PIK3R3: variants seen among roughly 807,000 people sequenced by gnomAD.
PIK3R3 encodes phosphoinositide-3-kinase regulatory subunit 3.
A neutral mutation model predicts 62.9 loss-of-function variants in PIK3R3; 64 were observed. The ratio of observed to expected loss-of-function variants is 1.02; its 90% confidence interval spans 0.83 to 1.25. PIK3R3 has a LOEUF of 1.25. Among genes scored for constraint, PIK3R3 ranks in the 50% most tolerant of loss-of-function variants. The probability of loss-of-function intolerance (pLI) is 0.00; values close to 1 mark genes in which losing one functional copy is unlikely to be tolerated. For missense variants in PIK3R3, 614 were observed against 561.6 expected (o/e 1.09, Z -0.94); for synonymous variants, 165 against 189.0 (o/e 0.87, Z 1.04).
the PIK3R3 span, among the ~76,000 whole-genome samples, chr1:46,148,158 T>C: frequency 6.6e-6 from 1 of 152,208 alleles, no homozygotes; most frequent in Non-Finnish European, 1.5e-5. Flanking sequence ...TTCACTGAGA[T>C]CAAGCAAATT....
the PIK3R3 span, among the ~76,000 whole-genome samples, chr1:46,164,806 T>C: frequency 3.9e-5 from 6 of 151,994 alleles, no homozygotes; most frequent in African/African-American, 1.5e-4. Context: ...ATTCCCTCTG[T>C]CATTAACATC....
At chr1:46,054,874 T>C (rs1647722841) in intron 7 of PIK3R3, among the ~76,000 whole-genome samples, 1 of 152,194 alleles carries the variant, frequency 6.6e-6, no homozygotes, top group Non-Finnish European at 1.5e-5. Flanking sequence ...CTTCTATAGA[T>C]ACATTTCTGT....
At chr1:46,091,174 T>C (rs1360370952) in intron 1 of PIK3R3, among the ~76,000 whole-genome samples, 1 of 145,128 alleles carries the variant, frequency 6.9e-6, no homozygotes, top group East Asian at 2.1e-4. Flanking sequence ...AGAGTCTCAC[T>C]CTGTTACCCA....
At chr1:46,147,700 C>T in the PIK3R3 span, among the ~76,000 whole-genome samples, 3 of 152,188 alleles carry the variant, frequency 2.0e-5, no homozygotes, top group African/African-American at 7.2e-5. Flanking sequence ...GCTGAGATTA[C>T]AGGCGTGAGC....
At chr1:46,077,938 G>A (rs1340050302) in intron 2 of PIK3R3, among the ~76,000 whole-genome samples, 1 of 152,058 alleles carries the variant, frequency 6.6e-6, no homozygotes, top group Non-Finnish European at 1.5e-5. Flanking sequence ...AAAGTTTCAG[G>A]AAAAAAACAG....
Position 46,055,983 on chromosome 1 carries a change from T to C in PIK3R3, c.765-12A>G. ...AATTCATCATAATTCTGTAAAAATA[T>C]TTGACATGTTAAGGCTAAAATAGAA... On this transcript the variant is annotated splice_polypyrimidine_tract_variant and intron_variant, in intron 6 of 9. Transcript: ENST00000262741. The C allele has an allele frequency of 6.4e-7, 1 of 1,561,144 alleles. No homozygotes were observed. The highest frequency in any genetic ancestry group is 1.8e-5 in the Admixed American group (1 of 54,136).
chr1:46,143,700 A>G, the PIK3R3 span, among the ~76,000 whole-genome samples: 1 of 152,032 alleles, frequency 6.6e-6, no homozygotes, highest in African/African-American at 2.4e-5. Flanking sequence ...CCAGGCCAGT[A>G]TCAAATTTCT....
rs555283418 is a variant in PIK3R3 at position 46,125,649 on chromosome 1, G to A, written c.106+6198C>T. Among the ~76,000 whole-genome samples, 4 of 152,200 alleles carry A rather than the reference G, an allele frequency of 2.6e-5. No homozygotes were observed. The South Asian group carries it at 8.3e-4, about 32-fold the overall frequency. ...TCAAGGTAAGCAAATAAGCTTCTTC[G>A]AAACCACCTTTGTGTCTGGCTTCAA... On this transcript the variant is annotated intron_variant, in intron 1 of 9. Coordinates refer to ENST00000262741, the MANE Select transcript of PIK3R3 (RefSeq NM_003629.4).
At chr1:46,058,600 G>C (rs914362898) in intron 6 of PIK3R3, among the ~76,000 whole-genome samples, 2 of 152,228 alleles carry the variant, frequency 1.3e-5, no homozygotes, top group African/African-American at 4.8e-5. Context: ...AGTCAAAGGA[G>C]ACCATTTTGG....
chr1:46,065,967 G>T, intron 5 of PIK3R3, 87 bp downstream of exon 5: 3 of 1,191,288 alleles, frequency 2.5e-6, no homozygotes, highest in Non-Finnish European at 3.7e-6. Flanking sequence ...CATTAAAACA[G>T]CTAAAGATCA....
chr1:46,070,137 A>G (rs1424895517), intron 3 of PIK3R3, among the ~76,000 whole-genome samples: 1 of 152,224 alleles, frequency 6.6e-6, no homozygotes, highest in Non-Finnish European at 1.5e-5. Flanking sequence ...CTATTCTTAA[A>G]TGGGAGATAA....
chr1:46,158,693 A>T, the PIK3R3 span, among the ~76,000 whole-genome samples: 122 of 152,360 alleles, frequency 8.0e-4, no homozygotes, highest in African/African-American at 2.9e-3. Flanking sequence ...AGCTAAAAAG[A>T]TCATGAGTCA....
the PIK3R3 span, among the ~76,000 whole-genome samples, chr1:46,155,595 G>A: frequency 2.0e-5 from 3 of 151,926 alleles, no homozygotes; most frequent in Non-Finnish European, 4.4e-5. Flanking sequence ...CTACAGGCAC[G>A]TGCCAGCACA....
chr1:46,054,571 G>A (rs1298626232), intron 7 of PIK3R3, among the ~76,000 whole-genome samples: 2 of 152,108 alleles, frequency 1.3e-5, no homozygotes, highest in Admixed American at 6.6e-5. Flanking sequence ...TCTCCTGCCA[G>A]TAGTTTGAAT....
At chr1:46,164,940 T>C in the PIK3R3 span, among the ~76,000 whole-genome samples, 7 of 152,082 alleles carry the variant, frequency 4.6e-5, no homozygotes, top group Non-Finnish European at 1.0e-4. Context: ...GCTCACAGTA[T>C]CCTCCTGCCT....
chr1:46,142,466 A>G, the PIK3R3 span, among the ~76,000 whole-genome samples: 1 of 152,212 alleles, frequency 6.6e-6, no homozygotes, highest in Non-Finnish European at 1.5e-5. Context: ...TGGGAGGCCA[A>G]GGCAGGTGGA....
intron 1 of PIK3R3, among the ~76,000 whole-genome samples, chr1:46,093,499 T>C (rs785483): frequency 0.67 from 102,443 of 151,982 alleles, 34,787 homozygotes; most frequent in Non-Finnish European, 0.71. Flanking sequence ...ATATCTTTGA[T>C]ATGAAAATGC....
chr1:46,058,241 G>A (rs1216164020), intron 6 of PIK3R3, among the ~76,000 whole-genome samples: 1 of 152,232 alleles, frequency 6.6e-6, no homozygotes, highest in East Asian at 1.9e-4. Context: ...CAGACGTATG[G>A]AAACACCTGG....
chr1:46,119,754 C>T (rs1309642920), intron 1 of PIK3R3, among the ~76,000 whole-genome samples: 1 of 150,920 alleles, frequency 6.6e-6, no homozygotes, highest in Admixed American at 6.6e-5. Context: ...CAGGTATGTG[C>T]CATTGTAACC....
Sources: allele counts gnomAD v4.1 joint callset (sites outside exome capture counted in the v4.1 genomes callset), GRCh38; gene constraint gnomAD v4.1.1; transcripts MANE v1.5; gene names NCBI Gene and HGNC (gene_info 2026-07-23, HGNC 2026-07-21).